The following TAFA5 variants were observed in gnomAD, a reference collection of about 807,000 sequenced individuals.
TAFA5 encodes the protein chemokine-like protein TAFA-5.
Under a neutral mutation model 15.3 loss-of-function variants are expected in TAFA5, and 6 were observed. The observed-to-expected ratio is 0.39, with a 90% CI of 0.21 to 0.77. The LOEUF (loss-of-function observed/expected upper bound fraction) is 0.77, where lower values mean the gene tolerates loss of function less well. TAFA5 is among the 30% of genes least tolerant of loss of function. The pLI, the probability that TAFA5 is intolerant of heterozygous loss-of-function variation, is 0.41. For missense variants in TAFA5, 161 were observed against 193.1 expected, an observed-to-expected ratio of 0.83 and a Z score of 0.98; for synonymous variants, 103 against 80.7, an observed-to-expected ratio of 1.28 and a Z score of -1.48.
intron 2 of TAFA5, among the ~76,000 whole-genome samples, chr22:48,706,765 G>A (rs868558090): frequency 1.1e-4 from 16 of 152,214 alleles, no homozygotes; most frequent in South Asian, 2.1e-4. Context: ...GTGTGCATTA[G>A]GAAGGACATA....
chr22:48,747,002 A>G (rs1422578574), intron 3 of TAFA5, among the ~76,000 whole-genome samples: 2 of 152,198 alleles, frequency 1.3e-5, no homozygotes, highest in Non-Finnish European at 2.9e-5. Flanking sequence ...GAGTGGGCTC[A>G]ACGCCCTGGA....
intron 1 of TAFA5, among the ~76,000 whole-genome samples, chr22:48,641,581 C>T (rs2147198340): frequency 6.7e-6 from 1 of 148,292 alleles, no homozygotes; most frequent in Admixed American, 6.7e-5. Flanking sequence ...CCCTGCACGC[C>T]CTCCCCTCCA....
intron 2 of TAFA5, among the ~76,000 whole-genome samples, chr22:48,667,552 T>C (rs962902756): frequency 2.0e-5 from 3 of 152,218 alleles, no homozygotes; most frequent in African/African-American, 7.2e-5. Flanking sequence ...CCCCTGTTGA[T>C]ATTTATTTAT....
intron 1 of TAFA5, among the ~76,000 whole-genome samples, chr22:48,561,222 T>C (rs527748562): frequency 1.3e-5 from 2 of 152,284 alleles, no homozygotes; most frequent in East Asian, 3.9e-4. Context: ...TGGGACCCTT[T>C]GCTGGTACCT....
intron 3 of TAFA5, among the ~76,000 whole-genome samples, chr22:48,718,030 G>T (rs1294455818): frequency 6.6e-6 from 1 of 152,236 alleles, no homozygotes; most frequent in Non-Finnish European, 1.5e-5. Context: ...GCCTTCACGA[G>T]CCCAGGTGGG....
At chr22:48,606,464 G>A (rs537196475) in intron 1 of TAFA5, among the ~76,000 whole-genome samples, 1 of 152,236 alleles carries the variant, frequency 6.6e-6, no homozygotes, top group Non-Finnish European at 1.5e-5. Context: ...TCTGGATATA[G>A]ATGTATGTAT....
chr22:48,741,785 C>T (rs903886115), intron 3 of TAFA5, among the ~76,000 whole-genome samples: 3 of 152,192 alleles, frequency 2.0e-5, no homozygotes, highest in African/African-American at 4.8e-5. Flanking sequence ...CTGCAGACAG[C>T]GAATGTCCTT....
At chr22:48,511,995 A>G (rs133514) in intron 1 of TAFA5, among the ~76,000 whole-genome samples, 119,910 of 152,202 alleles carry the variant, frequency 0.79, 48,285 homozygotes, top group Middle Eastern at 0.92. Flanking sequence ...TTGGAGCCCC[A>G]TGGCACAGAG....
chr22:48,494,419 A>T (rs1016129850), intron 1 of TAFA5, among the ~76,000 whole-genome samples: 2 of 152,182 alleles, frequency 1.3e-5, no homozygotes, highest in Non-Finnish European at 2.9e-5. Flanking sequence ...GTGGAGATGG[A>T]CAAGGAGGAC....
intron 2 of TAFA5, among the ~76,000 whole-genome samples, chr22:48,688,219 G>A (rs2147235806): frequency 6.6e-6 from 1 of 152,080 alleles, no homozygotes; most frequent in Middle Eastern, 3.4e-3. Context: ...GACAGTTCCT[G>A]GAGCTAATGA....
intron 2 of TAFA5, among the ~76,000 whole-genome samples, chr22:48,671,574 TGGAACAGTGTCTGGAGA>T (rs962418370): frequency 2.0e-5 from 3 of 152,190 alleles, no homozygotes; most frequent in African/African-American, 7.2e-5. Flanking sequence ...ACTGTTGGGA[TGGAACAGTGTCTGGAGA>T]GGAACCTGCC....
chr22:48,711,142 A>G (rs1312525741), intron 3 of TAFA5, among the ~76,000 whole-genome samples: 1 of 152,184 alleles, frequency 6.6e-6, no homozygotes, highest in Non-Finnish European at 1.5e-5. Flanking sequence ...TGACTGTAGC[A>G]GGACACTCCG....
At chr22:48,740,161 C>G (rs977010091) in intron 3 of TAFA5, among the ~76,000 whole-genome samples, 2 of 152,122 alleles carry the variant, frequency 1.3e-5, no homozygotes, top group Admixed American at 1.3e-4. Context: ...AATGGATGCT[C>G]GAGGCTTTTC....
chr22:48,509,303 T>C (rs1020211209), intron 1 of TAFA5, among the ~76,000 whole-genome samples: 3 of 152,212 alleles, frequency 2.0e-5, no homozygotes, highest in Non-Finnish European at 4.4e-5. Flanking sequence ...CGTGCTGCTT[T>C]CCTTTCCTTT....
chr22:48,638,763 AC>A lies in TAFA5; in HGVS notation c.113-7826del, dbSNP rs369094413. Among the ~76,000 whole-genome samples, 56 of 42,074 alleles carry A rather than the reference AC, an allele frequency of 1.3e-3. 2 individuals are homozygous for A. Among genetic ancestry groups the A allele is most frequent in the Non-Finnish European group, 1.7e-3 (42 of 24,424 alleles). The allele number at this position is 42,074 out of a possible 152,430, so 27.6% of individuals were successfully genotyped here. ...CCCTGGGACACCACACACAGGCGGGACCCCCCCCATCCCCCGACACTAAGCC... is the reference window on the plus strand; with the variant it reads ...CCCTGGGACACCACACACAGGCGGGACCCCCCCATCCCCCGACACTAAGCC... On this transcript the variant is annotated intron_variant, in intron 1 of 3. Transcript: ENST00000402357.
intron 1 of TAFA5, among the ~76,000 whole-genome samples, chr22:48,501,810 C>T (rs1008193233): frequency 7.2e-5 from 11 of 152,302 alleles, no homozygotes; most frequent in South Asian, 6.2e-4. Flanking sequence ...CTCTGTGCCC[C>T]GGAGGGTGCA....
chr22:48,591,951 C>T (rs1036818147), intron 1 of TAFA5, among the ~76,000 whole-genome samples: 7 of 152,208 alleles, frequency 4.6e-5, no homozygotes, highest in African/African-American at 7.2e-5. Flanking sequence ...AGCCTCACGG[C>T]CCTGAGCGCC....
rs1923192537 is a variant in TAFA5, at chr22:48,560,524, C to T, written c.112+70820C>T. On this transcript the variant is annotated intron_variant, in intron 1 of 3. Transcript: ENST00000402357. The surrounding 1 kb of genome is among the most constrained non-coding windows in gnomAD (Gnocchi z 4.2). Reference sequence around the variant, plus strand: ...AGGTGCTTTCATGCTGCAGAAGGCACCTGGGTCCTGACACCCACACTGGGC... The same window carrying T: ...AGGTGCTTTCATGCTGCAGAAGGCATCTGGGTCCTGACACCCACACTGGGC... 1.3e-5 allele frequency among the ~76,000 whole-genome samples: 2 copies of T among 151,940 alleles called. No individual in the cohort carries two copies.
intron 1 of TAFA5, among the ~76,000 whole-genome samples, chr22:48,521,881 A>T (rs772960110): frequency 7.9e-5 from 12 of 152,056 alleles, no homozygotes; most frequent in Non-Finnish European, 1.5e-4. Context: ...GATGAGCTTC[A>T]TGTGGAGGGT....
Sources: gnomAD v4.1 joint callset for allele counts (sites outside exome capture counted in the v4.1 genomes callset) on GRCh38, gnomAD v4.1.1 for gene constraint, Gnocchi (gnomAD v3.1) non-coding constraint, MANE v1.5 for transcripts, NCBI Gene and HGNC (gene_info 2026-07-23, HGNC 2026-07-21) for gene names.